The following GPRIN2 variants were observed in gnomAD, a reference collection of about 807,000 sequenced individuals.
GPRIN2 encodes G protein-regulated inducer of neurite outgrowth 2.
GPRIN2 carries 1 observed loss-of-function variant against 0.3 expected under a neutral mutation model. The ratio of observed to expected loss-of-function variants is 3.90; its 90% CI spans 1.39 to 18.51. GPRIN2 has a LOEUF of 18.51. Among genes scored for constraint, GPRIN2 ranks in the 30% most tolerant of loss-of-function variants. The pLI is 0.11. For missense variants in GPRIN2, 880 were observed against 604.2 expected (o/e 1.46, Z -4.79); for synonymous variants, 361 against 258.6 (o/e 1.40, Z -3.80).
rs1832292595 is a variant in GPRIN2 at position 46,550,645 on chromosome 10, T to C, written c.92A>G (p.Glu31Gly). The C allele has an allele frequency of 6.4e-7, 1 of 1,566,188 alleles. No homozygotes were observed. Among genetic ancestry groups the C allele is most frequent in the Admixed American group, 1.9e-5 (1 of 53,150 alleles). The change falls in exon 3 of 3, where the codon GAA becomes GGA. Residue 31 changes from glutamate (E) to glycine (G), a missense_variant. Transcript: ENST00000374314. ...LSQSSSSLLG[E>G]GREQRPELRK... Reference sequence around the variant, plus strand: ...GAGCTCTGGCCTCTGTTCCCGGCCTTCACCCAGCAGGCTGGAAGAGCTCTG... The same window carrying C: ...GAGCTCTGGCCTCTGTTCCCGGCCTCCACCCAGCAGGCTGGAAGAGCTCTG...
intron 2 of GPRIN2, among the ~76,000 whole-genome samples, chr10:46,552,442 C>T (rs1390624317): frequency 6.6e-6 from 1 of 152,306 alleles, no homozygotes; most frequent in Non-Finnish European, 1.5e-5. Flanking sequence ...AACAACCTCC[C>T]CGACCAGGTG....
rs1369348398 is a variant in GPRIN2, at chr10:46,542,663, T to C, written c.*6697A>G. Among the ~76,000 whole-genome samples the C allele has an allele frequency of 6.6e-6, 1 of 152,306 alleles. No individual in the cohort carries two copies. Among genetic ancestry groups the C allele is most frequent in the Non-Finnish European group, 1.5e-5 (1 of 68,054 alleles). ...TAAATTACCCAGTCTCAGGCAGTTC[T>C]TTATAGCAGCATGAAAATGGACTAA... On this transcript the variant is annotated 3_prime_UTR_variant, in exon 3 of 3. Transcript: ENST00000374314.
In GPRIN2 at chr10:46,545,154, C is replaced by T. The variant is rs1832957587; in HGVS notation, c.*4206G>A. Among the ~76,000 whole-genome samples the T allele has an allele frequency of 0.15, 21,075 of 139,830 alleles. 3 individuals are homozygous for T. The highest frequency in any genetic ancestry group is 0.34 in the East Asian group (1,587 of 4,696). 91.7% of individuals were successfully genotyped at this position (139,830 alleles called of 152,430 possible). A position where few individuals can be genotyped will look rare whatever the true frequency, so the allele number is the denominator to read the frequency against. On this transcript the variant is annotated 3_prime_UTR_variant, in exon 3 of 3. Coordinates refer to ENST00000374314, the MANE Select transcript of GPRIN2 (RefSeq NM_001385282.1). ...GGGTTGGGCATTTGTGGGCTACAAG[C>T]TTGGCATGACATGGATGCAAATGTC...
Position 46,546,792 on chromosome 10 carries a change from G to A in GPRIN2, c.*2568C>T, listed in dbSNP as rs1463198370. ...AGCAGCAGCTGTGCAACTGGGCTAGGGAGACAAGGATCGTGGTTTAGCCAG... is the reference window on the plus strand; with the variant it reads ...AGCAGCAGCTGTGCAACTGGGCTAGAGAGACAAGGATCGTGGTTTAGCCAG... On this transcript the variant is annotated 3_prime_UTR_variant, in exon 3 of 3. Transcript: ENST00000374314. 6.6e-6 allele frequency among the ~76,000 whole-genome samples: 1 copy of A among 152,312 alleles called. No homozygotes were observed. The highest frequency in any genetic ancestry group is 1.5e-5 in the Non-Finnish European group (1 of 68,058).
chr10:46,556,337 G>A (rs1016924719), intron 1 of GPRIN2, among the ~76,000 whole-genome samples, 161 bp downstream of exon 1: 5 of 152,306 alleles, frequency 3.3e-5, no homozygotes, highest in Non-Finnish European at 5.9e-5. Flanking sequence ...CGCGGGGAGT[G>A]CGATGCGGCC....
rs1831879755 is a variant in GPRIN2 at position 46,555,857 on chromosome 10, C to T, written c.-118+641G>A. 2.0e-5 allele frequency among the ~76,000 whole-genome samples: 3 copies of T among 152,428 alleles called. No homozygotes were observed. In the East Asian group the frequency reaches 5.8e-4, roughly 29 times the overall value. On this transcript the variant is annotated intron_variant, in intron 1 of 2. Coordinates refer to ENST00000374314, the MANE Select transcript of GPRIN2 (RefSeq NM_001385282.1). ...TGCCCCAGCCTGGGACACACAGGCC[C>T]GTATGCAGTAACAGCGTCTACCCAG...
rs1343857927 is a variant in GPRIN2 at position 46,546,135 on chromosome 10, C to G, written c.*3225G>C. On this transcript the variant is annotated 3_prime_UTR_variant, in exon 3 of 3. Coordinates refer to ENST00000374314, the MANE Select transcript of GPRIN2 (RefSeq NM_001385282.1). ...CCCTGCTTTTCCACCACCACCAGCA[C>G]TGTGACCTCAGACCAGCTCTACTCT... is the stretch of plus-strand genomic sequence containing the variant. Among the ~76,000 whole-genome samples, 2 of 152,298 alleles carry G rather than the reference C, an allele frequency of 1.3e-5. No individual in the cohort carries two copies. Among genetic ancestry groups the G allele is most frequent in the Non-Finnish European group, 2.9e-5 (2 of 68,054 alleles).
At position 46,547,790 on chromosome 10, in the gene GPRIN2, C is replaced by T. The variant is rs1832833758; in HGVS notation, c.*1570G>A. Among the ~76,000 whole-genome samples, 97 of 152,354 alleles carry T rather than the reference C, an allele frequency of 6.4e-4. No homozygotes were observed. Among genetic ancestry groups the T allele is most frequent in the Non-Finnish European group, 1.1e-3 (78 of 67,984 alleles). On this transcript the variant is annotated 3_prime_UTR_variant, in exon 3 of 3. Transcript: ENST00000374314. ...ACCATACACAAAGGGACTGACAGCC[C>T]CAGAATCCCAAGGGGTGCACCTATG...
At position 46,548,541 on chromosome 10, in the gene GPRIN2, C is replaced by T. The variant is rs1842375484; in HGVS notation, c.*819G>A. 6.6e-6 allele frequency among the ~76,000 whole-genome samples: 1 copy of T among 152,308 alleles called. No individual in the cohort carries two copies. Among genetic ancestry groups the T allele is most frequent in the Non-Finnish European group, 1.5e-5 (1 of 68,054 alleles). ...CAGGCCAGCCTCTGACACAATGACC[C>T]TGGAAGCCTGGCAGCCCTCCGTAAT... On this transcript the variant is annotated 3_prime_UTR_variant, in exon 3 of 3. Transcript: ENST00000374314.
rs1490590453 is a variant in GPRIN2 at position 46,545,418 on chromosome 10, C to T, written c.*3942G>A. ...GGGTCTGACTTGGACTGAAATCACA[C>T]CCTGCCTTGCCTTCTGCCCCTCCCT... is the stretch of plus-strand genomic sequence containing the variant. On this transcript the variant is annotated 3_prime_UTR_variant, in exon 3 of 3. Transcript: ENST00000374314. Among the ~76,000 whole-genome samples, 1 of 152,310 alleles carries T rather than the reference C, an allele frequency of 6.6e-6. No individual in the cohort carries two copies. The highest frequency in any genetic ancestry group is 1.5e-5 in the Non-Finnish European group (1 of 68,058).
Position 46,543,722 on chromosome 10 carries a change from A to G in GPRIN2, c.*5638T>C, listed in dbSNP as rs1841920104. On this transcript the variant is annotated 3_prime_UTR_variant, in exon 3 of 3. Coordinates refer to ENST00000374314, the MANE Select transcript of GPRIN2 (RefSeq NM_001385282.1). ...CCCACAATTTTCACATTCCCTCCCA[A>G]TAAAGTAGGGCCATGAAAGATGAAT... 6.6e-6 allele frequency among the ~76,000 whole-genome samples: 1 copy of G among 152,308 alleles called. No individual in the cohort carries two copies. Among genetic ancestry groups the G allele is most frequent in the African/African-American group, 2.4e-5 (1 of 41,486 alleles).
chr10:46,550,411 A>C lies in GPRIN2; in HGVS notation c.326T>G (p.Leu109Arg), dbSNP rs1338283829. Reference sequence around the variant, plus strand: ...CATAGCAGCAGCACTAGGGGCCCGCAGGCGACACAGGTCACTGCCGCCCAT... The same window carrying C: ...CATAGCAGCAGCACTAGGGGCCCGCCGGCGACACAGGTCACTGCCGCCCAT... Reference protein sequence around the residue: ...STMGGSDLCRLRAPSAAAMQR... With the variant: ...STMGGSDLCRRRAPSAAAMQR... Residue 109 changes from leucine (L) to arginine (R), a missense_variant, in exon 3 of 3, where the codon CTG (leucine) becomes CGG (arginine). Physicochemically the swap from Leu to Arg is moderately radical, Grantham distance 102 (BLOSUM62 -2). Transcript: ENST00000374314. 3.1e-6 allele frequency: 5 copies of C among 1,611,662 alleles called. No homozygotes were observed. Among genetic ancestry groups the C allele is most frequent in the African/African-American group, 1.3e-5 (1 of 74,962 alleles).
In GPRIN2 at chr10:46,544,150, C is replaced by T. The variant is rs1672720369; in HGVS notation, c.*5210G>A. 3.7e-4 allele frequency among the ~76,000 whole-genome samples: 56 copies of T among 152,368 alleles called. No homozygotes were observed. The highest frequency in any genetic ancestry group is 1.3e-3 in the African/African-American group (52 of 41,560). On this transcript the variant is annotated 3_prime_UTR_variant, in exon 3 of 3. Coordinates refer to ENST00000374314, the MANE Select transcript of GPRIN2 (RefSeq NM_001385282.1). Reference sequence around the variant, plus strand: ...GTTCAATAGGGAAGGTACCAGCGGCCGGCTGCAGAGGGGCTCCATTCCCCT... The same window carrying T: ...GTTCAATAGGGAAGGTACCAGCGGCTGGCTGCAGAGGGGCTCCATTCCCCT...
chr10:46,557,302 A>G (rs1233105118), upstream of GPRIN2, among the ~76,000 whole-genome samples: 1 of 152,016 alleles, frequency 6.6e-6, no homozygotes, highest in African/African-American at 2.4e-5. Context: ...CCCAAACCTC[A>G]CTCCAGTCCT....
Position 46,548,736 on chromosome 10 carries a change from C to T in GPRIN2, c.*624G>A, listed in dbSNP as rs1842393746. Among the ~76,000 whole-genome samples, 1 of 152,428 alleles carries T rather than the reference C, an allele frequency of 6.6e-6. No homozygotes were observed. The highest frequency in any genetic ancestry group is 2.1e-4 in the South Asian group (1 of 4,834). ...ACTGGACCGGGCACATGCTACAGGG[C>T]AACACCCACGGCTCAGCTGGCCCTG... On this transcript the variant is annotated 3_prime_UTR_variant, in exon 3 of 3. Coordinates refer to ENST00000374314, the MANE Select transcript of GPRIN2 (RefSeq NM_001385282.1).
In GPRIN2 at chr10:46,546,814, C is replaced by T. The variant is rs1588954856; in HGVS notation, c.*2546G>A. ...TAGGGAGACAAGGATCGTGGTTTAGCCAGGAGAATCATCTGGGGCCCCAGC... is the reference window on the plus strand; with the variant it reads ...TAGGGAGACAAGGATCGTGGTTTAGTCAGGAGAATCATCTGGGGCCCCAGC... On this transcript the variant is annotated 3_prime_UTR_variant, in exon 3 of 3. Transcript: ENST00000374314. Among the ~76,000 whole-genome samples the T allele has an allele frequency of 6.6e-6, 1 of 152,312 alleles. No individual in the cohort carries two copies. The highest frequency in any genetic ancestry group is 1.9e-4 in the East Asian group (1 of 5,208).
Position 46,549,297 on chromosome 10 carries a change from G to C in GPRIN2, c.*63C>G, listed in dbSNP as rs1031686720. On this transcript the variant is annotated 3_prime_UTR_variant, in exon 3 of 3. Coordinates refer to ENST00000374314, the MANE Select transcript of GPRIN2 (RefSeq NM_001385282.1). The stretch of plus-strand genomic sequence containing the variant: ...GTCCAGGGGGCACGGAGCCCCCACC[G>C]TCCCTGGCCCAGGTCTAGGACTAAG... The C allele has an allele frequency of 6.9e-7, 1 of 1,439,472 alleles. No individual in the cohort carries two copies. The highest frequency in any genetic ancestry group is 3.0e-5 in the Admixed American group (1 of 33,446). The allele number at this position is 1,439,472 out of a possible 1,614,324, so 89.2% of individuals were successfully genotyped here. A position where few individuals can be genotyped will look rare whatever the true frequency, so the allele number is the denominator to read the frequency against.
intron 2 of GPRIN2, among the ~76,000 whole-genome samples, chr10:46,552,123 G>A (rs1832142674): frequency 2.1e-3 from 326 of 152,232 alleles, no homozygotes; most frequent in Non-Finnish European, 3.8e-3. Context: ...TGAGAGATGA[G>A]AAAAGGCTTC....
rs1832470537 is a variant in GPRIN2, at chr10:46,550,135, A to C, written c.602T>G (p.Leu201Arg). The C allele has an allele frequency of 1.2e-6, 2 of 1,605,250 alleles. No homozygotes were observed. The highest frequency in any genetic ancestry group is 3.3e-5 in the Admixed American group (2 of 59,750). ...ASQLSVPPLD[L>R]GDTTAHSSSA... is the part of the protein sequence containing the mutation. ...GCTGCTGTGGGCAGTTGTGTCCCCC[A>C]GGTCTAGTGGTGGCACTGACAACTG... The change falls in exon 3 of 3, where the codon CTG (leucine) becomes CGG (arginine). Residue 201 changes from leucine to arginine, a missense_variant. Leu to Arg is a moderately radical substitution (Grantham distance 102, BLOSUM62 -2). Transcript: ENST00000374314.
Sources: allele counts gnomAD v4.1 joint callset (sites outside exome capture counted in the v4.1 genomes callset), GRCh38; gene constraint gnomAD v4.1.1; transcripts MANE v1.5; gene names NCBI Gene and HGNC (gene_info 2026-07-23, HGNC 2026-07-21).